WASHC5: variants seen among roughly 807,000 people sequenced by gnomAD.
WASHC5 encodes WASH complex subunit strumpellin.
WASHC5 carries 101 observed loss-of-function variants against 150.4 expected under a neutral mutation model. That is an observed-to-expected ratio of 0.67 (90% CI 0.57 to 0.79). The LOEUF is 0.79. Among genes scored for constraint, WASHC5 ranks in the 30% least tolerant of loss-of-function variants. The pLI is 0.00. For synonymous variants in WASHC5, 467 were observed against 491.2 expected (o/e 0.95, Z 0.65); for missense variants, 1,195 against 1,396.3 (o/e 0.86, Z 2.30).
intron 10 of WASHC5, among the ~76,000 whole-genome samples, chr8:125,066,711 C>T (rs758312938): frequency 7.2e-5 from 11 of 152,320 alleles, no homozygotes; most frequent in South Asian, 2.1e-4. Context: ...CCTCATTTCA[C>T]ACTACCTTTC....
intron 17 of WASHC5, among the ~76,000 whole-genome samples, chr8:125,053,768 T>C (rs1816319499): frequency 6.6e-6 from 1 of 151,916 alleles, no homozygotes; most frequent in Non-Finnish European, 1.5e-5. Flanking sequence ...TATAGAAAAA[T>C]AAAGAAAAGC....
chr8:125,042,903 T>C (rs1355488041), intron 23 of WASHC5, among the ~76,000 whole-genome samples: 4 of 152,204 alleles, frequency 2.6e-5, no homozygotes, highest in Non-Finnish European at 4.4e-5. Flanking sequence ...ATGGGAAATA[T>C]ATTGTGAATT....
In WASHC5 at chr8:125,087,763, G is replaced by A. The variant is rs553138122; in HGVS notation, c.-124-3741C>T. ...AAAAAAAAAAAAAATTTTCTCACAT[G>A]TCAAGTATAGGAGATTCTTGCTATT... On this transcript the variant is annotated intron_variant, in intron 1 of 28. Transcript: ENST00000318410. 4.0e-4 allele frequency among the ~76,000 whole-genome samples: 60 copies of A among 150,814 alleles called. 1 individual carries two copies. The highest frequency in any genetic ancestry group is 3.5e-3 in the Middle Eastern group (1 of 288).
rs1217765882 is a variant in WASHC5 at position 125,055,671 on chromosome 8, C to A, written c.2017G>T (p.Val673Phe). 1.9e-6 allele frequency: 3 copies of A among 1,590,568 alleles called. No homozygotes were observed. Among genetic ancestry groups the A allele is most frequent in the Non-Finnish European group, 2.6e-6 (3 of 1,158,792 alleles). ...DYAQLGPRYEVAKLTHAISIF... is the reference protein window; with the variant it reads ...DYAQLGPRYEFAKLTHAISIF... The stretch of plus-strand genomic sequence containing the variant: ...GAAATAGCATGAGTAAGCTTGGCAA[C>A]CTATAACAAAGAAAAAGAGGTATGA... Residue 673 changes from valine (V) to phenylalanine (F), a missense_variant and splice_region_variant, in exon 17 of 29, where the codon GTT becomes TTT. This residue lies in a region of WASHC5 where 997 missense variants were observed against 1,168.1 expected (regional missense o/e 0.85). Coordinates refer to ENST00000318410, the MANE Select transcript of WASHC5 (RefSeq NM_014846.4).
intron 11 of WASHC5, among the ~76,000 whole-genome samples, chr8:125,061,674 G>C (rs1399212645): frequency 6.6e-6 from 1 of 152,212 alleles, no homozygotes; most frequent in Non-Finnish European, 1.5e-5. Flanking sequence ...GAAGTGTAAG[G>C]TGTGACTGGT....
intron 17 of WASHC5, among the ~76,000 whole-genome samples, chr8:125,054,926 T>C (rs1816363011): frequency 6.6e-6 from 1 of 151,002 alleles, no homozygotes; most frequent in Admixed American, 6.6e-5. Context: ...AATAAAGCAA[T>C]TTTGACTAAG....
rs772219653 is a variant in WASHC5 at position 125,059,557 on chromosome 8, T to C, written c.1522-15A>G. ...AATTCTTGAACCTGTGTTACAGAAA[T>C]ATACTTAATTTAAAAATCCTGAATG... is the stretch of plus-strand genomic sequence containing the variant. On this transcript the variant is annotated splice_polypyrimidine_tract_variant and intron_variant, in intron 12 of 28. Transcript: ENST00000318410. 2.5e-6 allele frequency: 4 copies of C among 1,607,864 alleles called. No individual in the cohort carries two copies. The highest frequency in any genetic ancestry group is 1.1e-5 in the South Asian group (1 of 90,932).
At chr8:125,067,005 A>G (rs1816759824) in intron 10 of WASHC5, among the ~76,000 whole-genome samples, 1 of 152,102 alleles carries the variant, frequency 6.6e-6, no homozygotes, top group Admixed American at 6.5e-5. Context: ...TCATATTTAC[A>G]TTTTTATTAG....
At chr8:125,069,856 T>G (rs560053635) in intron 9 of WASHC5, among the ~76,000 whole-genome samples, 1 of 152,330 alleles carries the variant, frequency 6.6e-6, no homozygotes, top group South Asian at 2.1e-4. Context: ...CCAGTTGTCT[T>G]TATACTAATT....
intron 10 of WASHC5, 80 bp downstream of exon 10, chr8:125,067,512 A>C (rs956764871): frequency 1.7e-6 from 2 of 1,202,060 alleles, no homozygotes; most frequent in African/African-American, 3.1e-5. Context: ...CAGAGCAAGC[A>C]ATCCTAGTCT....
At chr8:125,045,774 T>C (rs1025664515) in intron 20 of WASHC5, among the ~76,000 whole-genome samples, 2 of 152,234 alleles carry the variant, frequency 1.3e-5, no homozygotes, top group African/African-American at 2.4e-5. Flanking sequence ...TGCCACCAAG[T>C]ACACTCTGAT....
rs943660481 is a variant in WASHC5 at position 125,081,511 on chromosome 8, T to C, written c.518+150A>G. 3.6e-5 allele frequency: 23 copies of C among 647,560 alleles called. No individual in the cohort carries two copies. The East Asian group carries it at 6.5e-4, about 18-fold the overall frequency. 40.1% of individuals were successfully genotyped at this position (647,560 alleles called of 1,614,324 possible). A position where few individuals can be genotyped will look rare whatever the true frequency, so the allele number is the denominator to read the frequency against. ...CCTTGGCCTCCCAAAAGTGTTGGGA[T>C]TACAGGCGTTAGCCACTGTGCCCGG... On this transcript the variant is annotated intron_variant, in intron 5 of 28. Transcript: ENST00000318410.
chr8:125,076,695 A>C (rs1030783000), intron 6 of WASHC5, among the ~76,000 whole-genome samples, 195 bp from the exon 7 acceptor site: 2 of 149,140 alleles, frequency 1.3e-5, no homozygotes, highest in Admixed American at 6.7e-5. Context: ...CTAACACCAT[A>C]ATATTCTCTT....
intron 1 of WASHC5, among the ~76,000 whole-genome samples, chr8:125,084,534 GA>G (rs1817361888): frequency 6.6e-6 from 1 of 152,162 alleles, no homozygotes; most frequent in Non-Finnish European, 1.5e-5. Flanking sequence ...CTGTGAAGAT[GA>G]TTTATAAATA....
chr8:125,083,149 A>T lies in WASHC5; in HGVS notation c.296T>A (p.Phe99Tyr), dbSNP rs536198661. 21 of 1,567,018 alleles carry T rather than the reference A, an allele frequency of 1.3e-5. No individual in the cohort carries two copies. In the South Asian group the frequency reaches 2.0e-4, roughly 15 times the overall value. ...IEIVTRFYLA[F>Y]QSVHKYIVDL... is the part of the protein sequence containing the mutation. ...TACAATATATTTATGTACACTTTGA[A>T]ATGCTAAATAAAATCTGGTCACAAT... Residue 99 changes from phenylalanine to tyrosine, a missense_variant, in exon 3 of 29, where the codon TTT becomes TAT. This residue lies in a region of WASHC5 where 195 missense variants were observed against 206.9 expected (regional missense o/e 0.94). Coordinates refer to ENST00000318410, the MANE Select transcript of WASHC5 (RefSeq NM_014846.4).
Position 125,082,421 on chromosome 8 carries a change from C to G in WASHC5, c.379G>C (p.Glu127Gln). 6.3e-7 allele frequency: 1 copy of G among 1,592,582 alleles called. No individual in the cohort carries two copies. Residue 127 changes from glutamate (E) to glutamine (Q), a missense_variant, in exon 4 of 29, where the codon GAA becomes CAA. Physicochemically the swap from Glu to Gln is conservative, Grantham distance 29. Around this residue, in one of 3 missense-constraint regions of WASHC5, gnomAD observed 195 missense variants for 206.9 expected, o/e 0.94. Coordinates refer to ENST00000318410, the MANE Select transcript of WASHC5 (RefSeq NM_014846.4). ...NEGVYIQQTL[E>Q]TVLLNEDGKQ... ...CCATCTTCATTGAGAAGCACAGTTT[C>G]TAAGGTTTGCTGAATATAAACCCCT... is the stretch of plus-strand genomic sequence containing the variant.
intron 11 of WASHC5, among the ~76,000 whole-genome samples, chr8:125,061,713 G>A (rs998769320): frequency 2.0e-5 from 3 of 152,284 alleles, no homozygotes; most frequent in East Asian, 1.9e-4. Flanking sequence ...AACAATGCAG[G>A]GGGTGCCATT....
intron 28 of WASHC5, among the ~76,000 whole-genome samples, chr8:125,027,468 G>T (rs1047802502): frequency 6.6e-6 from 1 of 152,218 alleles, no homozygotes; most frequent in African/African-American, 2.4e-5. Flanking sequence ...AGCATTTGCA[G>T]TGACCCGGAT....
At chr8:125,079,377 A>G (rs1320773023) in intron 5 of WASHC5, among the ~76,000 whole-genome samples, 1 of 151,276 alleles carries the variant, frequency 6.6e-6, no homozygotes. Flanking sequence ...TTTAGTAGAG[A>G]TGGGGTTTCA....
Sources: allele counts gnomAD v4.1 joint callset (sites outside exome capture counted in the v4.1 genomes callset), GRCh38; gene constraint gnomAD v4.1.1; regional missense constraint gnomAD v4.1.1; transcripts MANE v1.5; gene names NCBI Gene and HGNC (gene_info 2026-07-23, HGNC 2026-07-21).